The following LRRC4C variants were observed in gnomAD, a reference collection of about 807,000 sequenced individuals.
LRRC4C encodes leucine-rich repeat-containing protein 4C.
LRRC4C carries 5 observed loss-of-function variants against 33.6 expected under a neutral mutation model. The observed-to-expected ratio is 0.15, with a 90% confidence interval of 0.08 to 0.31. LRRC4C has a LOEUF of 0.31. LRRC4C is among the 10% of genes least tolerant of loss of function. The pLI is 1.00. For missense variants in LRRC4C, 560 were observed against 796.7 expected (o/e 0.70, Z 3.58); for synonymous variants, 329 against 302.0 (o/e 1.09, Z -0.93).
At chr11:41,350,500 A>T (rs1429211805) in intron 1 of LRRC4C, among the ~76,000 whole-genome samples, 3 of 118,910 alleles carry the variant, frequency 2.5e-5, no homozygotes, top group Non-Finnish European at 5.2e-5. Context: ...ACAGAGCAAG[A>T]CTCCATCTCA....
At chr11:40,720,843 T>A (rs141553421) in intron 2 of LRRC4C, among the ~76,000 whole-genome samples, 22 of 152,100 alleles carry the variant, frequency 1.4e-4, no homozygotes, top group Non-Finnish European at 2.9e-5. Flanking sequence ...GAGCAAAGAG[T>A]ATAATCACGT....
intron 2 of LRRC4C, among the ~76,000 whole-genome samples, chr11:40,787,267 G>A (rs1419407881): frequency 4.6e-5 from 7 of 152,070 alleles, no homozygotes; most frequent in Non-Finnish European, 7.4e-5. Context: ...CAACTGGGGG[G>A]GGTAGGGGGA....
chr11:41,381,122 TG>T (rs1953130465), intron 1 of LRRC4C, among the ~76,000 whole-genome samples: 1 of 152,130 alleles, frequency 6.6e-6, no homozygotes, highest in Non-Finnish European at 1.5e-5. Flanking sequence ...ATAGGATTTT[TG>T]TTTGGAGAAA....
chr11:40,998,360 A>T (rs1854127920), intron 1 of LRRC4C, among the ~76,000 whole-genome samples: 1 of 152,100 alleles, frequency 6.6e-6, no homozygotes, highest in Non-Finnish European at 1.5e-5. Flanking sequence ...TGTTAGGATT[A>T]AAAAATTGTC....
chr11:40,292,346 T>C (rs1944249113), intron 4 of LRRC4C: 1 of 152,164 alleles, frequency 6.6e-6, no homozygotes, highest in African/African-American at 2.4e-5. Context: ...TCAATTTTAG[T>C]CAACATAGGC....
intron 2 of LRRC4C, among the ~76,000 whole-genome samples, chr11:40,801,557 T>G (rs754900911): frequency 6.6e-5 from 10 of 152,206 alleles, no homozygotes; most frequent in Non-Finnish European, 1.5e-4. Context: ...TCCTTTGAGT[T>G]CAATGCATAG....
chr11:41,243,507 C>T (rs1948333480), intron 1 of LRRC4C, among the ~76,000 whole-genome samples: 1 of 152,188 alleles, frequency 6.6e-6, no homozygotes, highest in African/African-American at 2.4e-5. Flanking sequence ...TCCTTTCCTT[C>T]CCAGATAAGT....
chr11:40,448,415 G>A (rs1283086240), intron 3 of LRRC4C, among the ~76,000 whole-genome samples: 5 of 150,584 alleles, frequency 3.3e-5, no homozygotes, highest in South Asian at 2.1e-4. Context: ...CCCACCCCCC[G>A]ACAGGCCCTG....
intron 1 of LRRC4C, among the ~76,000 whole-genome samples, chr11:41,133,127 A>G (rs1943091148): frequency 6.6e-6 from 1 of 152,108 alleles, no homozygotes; most frequent in Non-Finnish European, 1.5e-5. Context: ...GGAACTAAAC[A>G]CACACAAGAG....
intron 1 of LRRC4C, among the ~76,000 whole-genome samples, chr11:41,220,789 A>T (rs1034877744): frequency 1.3e-5 from 2 of 152,190 alleles, no homozygotes; most frequent in Non-Finnish European, 2.9e-5. Flanking sequence ...ATCAGAAGTC[A>T]TATATTGGTT....
intron 1 of LRRC4C, among the ~76,000 whole-genome samples, chr11:41,184,076 G>A (rs1182695729): frequency 6.6e-6 from 1 of 152,166 alleles, no homozygotes; most frequent in Non-Finnish European, 1.5e-5. Context: ...GGACCCTGGG[G>A]CCAGCCCACA....
In LRRC4C at chr11:40,634,504, G is replaced by A. The variant is rs144615152; in HGVS notation, c.-270+13638C>T. Among the ~76,000 whole-genome samples the A allele has an allele frequency of 3.6e-4, 55 of 152,262 alleles. 1 individual carries two copies. Among genetic ancestry groups the A allele is most frequent in the Middle Eastern group, 3.4e-3 (1 of 294 alleles). ...ATTACTAGAAAGCGTCACACGTGCA[G>A]TAAAATGCTACTTTTTGGTAAGTCT... On this transcript the variant is annotated intron_variant, in intron 3 of 6. Transcript: ENST00000528697.
rs71484111 is a variant in LRRC4C, at chr11:40,568,441, C to T, written c.-270+79701G>A. 6.1e-3 allele frequency among the ~76,000 whole-genome samples: 923 copies of T among 152,290 alleles called. 9 individuals carry two copies. The highest frequency in any genetic ancestry group is 9.1e-3 in the Non-Finnish European group (618 of 68,018). ...GAGCCAGCTTAGCCATGCCTAGATT[C>T]CTGATTCACAGAAACTGTAAAATTT... On this transcript the variant is annotated intron_variant, in intron 3 of 6. Transcript: ENST00000528697.
chr11:40,612,370 T>A (rs562031832), intron 3 of LRRC4C, among the ~76,000 whole-genome samples: 14 of 151,964 alleles, frequency 9.2e-5, no homozygotes, highest in African/African-American at 3.4e-4. Flanking sequence ...CAATAGTGGC[T>A]GCCAGGAGCT....
At chr11:40,475,001 G>A (rs1228088929) in intron 3 of LRRC4C, among the ~76,000 whole-genome samples, 1 of 152,180 alleles carries the variant, frequency 6.6e-6, no homozygotes, top group African/African-American at 2.4e-5. Context: ...TACACTGTTG[G>A]TGGGAGTGTA....
At chr11:40,154,229 A>G (rs1023282167) in intron 5 of LRRC4C, among the ~76,000 whole-genome samples, 2 of 151,844 alleles carry the variant, frequency 1.3e-5, no homozygotes, top group Non-Finnish European at 2.9e-5. Flanking sequence ...AGACAAACAA[A>G]TGCTGAATGA....
At chr11:40,738,860 C>A (rs996069565) in intron 2 of LRRC4C, among the ~76,000 whole-genome samples, 2 of 152,024 alleles carry the variant, frequency 1.3e-5, no homozygotes, top group African/African-American at 2.4e-5. Flanking sequence ...CCACCCAGTG[C>A]AGGACTCTTT....
intron 3 of LRRC4C, among the ~76,000 whole-genome samples, chr11:40,533,302 C>T (rs908810710): frequency 6.6e-6 from 1 of 152,120 alleles, no homozygotes; most frequent in Non-Finnish European, 1.5e-5. Context: ...GGCTTACATA[C>T]CCAGTAGGGA....
intron 1 of LRRC4C, among the ~76,000 whole-genome samples, chr11:40,964,830 T>C (rs1247951040): frequency 1.4e-4 from 22 of 151,878 alleles, no homozygotes; most frequent in African/African-American, 4.6e-4. Flanking sequence ...ACAATAAACA[T>C]GCGTGTGCAT....
Sources: allele counts gnomAD v4.1 joint callset (sites outside exome capture counted in the v4.1 genomes callset), GRCh38; gene constraint gnomAD v4.1.1; transcripts MANE v1.5; gene names NCBI Gene and HGNC (gene_info 2026-07-23, HGNC 2026-07-21).